EPHA6: variants seen among roughly 807,000 people sequenced by gnomAD.
The protein encoded by EPHA6 is EPH receptor A6.
In EPHA6, 50 loss-of-function variants were observed where a neutral mutation model predicts 112.0. The ratio of observed to expected loss-of-function variants is 0.45; its 90% CI spans 0.36 to 0.56. EPHA6 has a LOEUF of 0.56. Ranked by LOEUF, EPHA6 falls within the 20% of genes least tolerant of loss-of-function variation. EPHA6 has a pLI of 0.00. For synonymous variants in EPHA6, 529 were observed against 490.7 expected (o/e 1.08, Z -1.03); for missense variants, 1,280 against 1,417.4 (o/e 0.90, Z 1.56).
At chr3:97,423,602 A>G (rs2088858511) in intron 6 of EPHA6, among the ~76,000 whole-genome samples, 1 of 152,224 alleles carries the variant, frequency 6.6e-6, no homozygotes, top group African/African-American at 2.4e-5. Flanking sequence ...ATTCAATGCT[A>G]TTCCTATCAA....
intron 10 of EPHA6, among the ~76,000 whole-genome samples, chr3:97,492,212 T>C (rs1244042105): frequency 6.6e-6 from 1 of 151,998 alleles, no homozygotes; most frequent in Admixed American, 6.6e-5. Flanking sequence ...ATACTCTTAG[T>C]TAATCAGCCT....
At chr3:97,040,814 A>C (rs886365505) in intron 3 of EPHA6, among the ~76,000 whole-genome samples, 1 of 152,052 alleles carries the variant, frequency 6.6e-6, no homozygotes, top group Non-Finnish European at 1.5e-5. Flanking sequence ...TTCTTTTACT[A>C]TGTATGCCCA....
At chr3:97,725,395 G>T (rs1216300736) in intron 15 of EPHA6, among the ~76,000 whole-genome samples, 2 of 152,118 alleles carry the variant, frequency 1.3e-5, no homozygotes, top group Non-Finnish European at 2.9e-5. Context: ...GCACTTAGAG[G>T]TGGTCAGAGC....
chr3:96,958,951 T>A (rs111391687), intron 2 of EPHA6, among the ~76,000 whole-genome samples: 1,584 of 152,366 alleles, frequency 0.01, 25 homozygotes, highest in African/African-American at 0.036. Context: ...TTTTCTAGTA[T>A]GAGTAATGCC....
chr3:97,099,808 A>G (rs1026491229), intron 3 of EPHA6, among the ~76,000 whole-genome samples: 1 of 151,980 alleles, frequency 6.6e-6, no homozygotes, highest in Non-Finnish European at 1.5e-5. Flanking sequence ...TAGATCCTGA[A>G]TGATCATATG....
intron 15 of EPHA6, among the ~76,000 whole-genome samples, chr3:97,722,376 C>T (rs561587609): frequency 2.3e-4 from 35 of 152,312 alleles, no homozygotes; most frequent in African/African-American, 8.2e-4. Context: ...TAAAGATTAT[C>T]TAGGCCAATC....
At chr3:97,696,222 T>C (rs2033030916) in intron 14 of EPHA6, among the ~76,000 whole-genome samples, 1 of 152,172 alleles carries the variant, frequency 6.6e-6, no homozygotes, top group South Asian at 2.1e-4. Flanking sequence ...CTAGCTAAGG[T>C]CTCAGACCCA....
intron 5 of EPHA6, among the ~76,000 whole-genome samples, chr3:97,358,850 T>G (rs1026957893): frequency 6.6e-6 from 1 of 152,124 alleles, no homozygotes; most frequent in Non-Finnish European, 1.5e-5. Context: ...TGACAGCTTG[T>G]TTTAGGACTT....
intron 3 of EPHA6, among the ~76,000 whole-genome samples, chr3:97,145,442 C>T (rs2076017056): frequency 6.6e-6 from 1 of 150,456 alleles, no homozygotes; most frequent in African/African-American, 2.4e-5. Context: ...TTAGTTTCTT[C>T]TTTTCCTCAC....
At chr3:97,540,942 T>A (rs1225066497) in intron 11 of EPHA6, among the ~76,000 whole-genome samples, 3 of 152,296 alleles carry the variant, frequency 2.0e-5, no homozygotes, top group Middle Eastern at 6.8e-3. Flanking sequence ...ATTACAGGCA[T>A]GAATTCGCAT....
intron 14 of EPHA6, among the ~76,000 whole-genome samples, chr3:97,688,723 T>C (rs1473413109): frequency 7.1e-6 from 1 of 141,462 alleles, no homozygotes; most frequent in Non-Finnish European, 1.6e-5. Context: ...TAAAGTATAA[T>C]AAAAAAAAAA....
intron 3 of EPHA6, among the ~76,000 whole-genome samples, chr3:97,070,212 G>C (rs574655148): frequency 1.3e-5 from 2 of 152,078 alleles, no homozygotes; most frequent in African/African-American, 2.4e-5. Flanking sequence ...TGTTTTATTT[G>C]TTAGTTTATT....
intron 2 of EPHA6, among the ~76,000 whole-genome samples, chr3:96,935,041 G>A (rs938014562): frequency 4.6e-5 from 7 of 151,500 alleles, no homozygotes; most frequent in African/African-American, 1.7e-4. Flanking sequence ...TCTACCCAAC[G>A]CTTGTACAAT....
At chr3:97,549,008 C>T (rs1386213385) in intron 11 of EPHA6, among the ~76,000 whole-genome samples, 1 of 152,166 alleles carries the variant, frequency 6.6e-6, no homozygotes, top group East Asian at 1.9e-4. Context: ...ATGATGCTGG[C>T]ATAAACAAAC....
chr3:97,073,716 C>T (rs987889738), intron 3 of EPHA6, among the ~76,000 whole-genome samples: 1 of 151,842 alleles, frequency 6.6e-6, no homozygotes, highest in African/African-American at 2.4e-5. Context: ...AAGATTTTTT[C>T]ATTATTTTTT....
chr3:97,313,167 A>G (rs192393937), intron 5 of EPHA6, among the ~76,000 whole-genome samples: 7 of 151,562 alleles, frequency 4.6e-5, no homozygotes, highest in Admixed American at 3.3e-4. Flanking sequence ...ATTATATGGT[A>G]TTTGTGTTTC....
At position 97,742,620 on chromosome 3, in the gene EPHA6, G is replaced by C. The variant is rs549145998; in HGVS notation, c.3129-4803G>C. ...TAATTAATGTCCTTAACACTGTGGA[G>C]TTAGACTGTTTGAAACAAATATATA... On this transcript the variant is annotated intron_variant, in intron 16 of 17. Coordinates refer to ENST00000389672, the MANE Select transcript of EPHA6 (RefSeq NM_001080448.3). Among the ~76,000 whole-genome samples, 19 of 152,164 alleles carry C rather than the reference G, an allele frequency of 1.2e-4. No individual in the cohort carries two copies. The South Asian group carries it at 3.3e-3, about 27-fold the overall frequency.
intron 2 of EPHA6, among the ~76,000 whole-genome samples, chr3:96,978,873 G>T (rs146806862): frequency 6.6e-6 from 1 of 151,886 alleles, no homozygotes; most frequent in South Asian, 2.1e-4. Context: ...GAACATCTCC[G>T]CAACTGAATG....
chr3:97,205,973 C>A lies in EPHA6; in HGVS notation c.1115-20291C>A, dbSNP rs554145980. ...ATAACTTACATAAGGAAATATATTT[C>A]AGCCAATAGGATTTGAATGTAAGGC... On this transcript the variant is annotated intron_variant, in intron 3 of 17. Coordinates refer to ENST00000389672, the MANE Select transcript of EPHA6 (RefSeq NM_001080448.3). 7.2e-5 allele frequency among the ~76,000 whole-genome samples: 11 copies of A among 152,150 alleles called. No individual in the cohort carries two copies. The East Asian group carries it at 2.1e-3, about 29-fold the overall frequency.
Sources: gnomAD v4.1 joint callset for allele counts (sites outside exome capture counted in the v4.1 genomes callset) on GRCh38, gnomAD v4.1.1 for gene constraint, MANE v1.5 for transcripts, NCBI Gene and HGNC (gene_info 2026-07-23, HGNC 2026-07-21) for gene names.